Variants in RAB20 observed in about 807,000 individuals in gnomAD.
The protein encoded by RAB20 is ras-related protein Rab-20.
In RAB20, 2 loss-of-function variants were observed where a neutral mutation model predicts 3.7. The ratio of observed to expected loss-of-function variants is 0.54; its 90% confidence interval spans 0.22 to 1.69. The LOEUF is 1.69. Ranked by LOEUF, RAB20 falls within the 40% of genes most tolerant of loss-of-function variation. The probability of loss-of-function intolerance (pLI) is 0.19; values close to 1 mark genes in which losing one functional copy is unlikely to be tolerated. For missense variants in RAB20, 276 were observed against 311.9 expected, an observed-to-expected ratio of 0.88 and a Z score of 0.87; for synonymous variants, 126 against 130.8, an observed-to-expected ratio of 0.96 and a Z score of 0.25.
intron 1 of RAB20, among the ~76,000 whole-genome samples, chr13:110,549,998 A>T (rs1884924840): frequency 6.6e-6 from 1 of 152,204 alleles, no homozygotes; most frequent in African/African-American, 2.4e-5. Flanking sequence ...TGCTGGGATG[A>T]CAGGCCTGAG....
intron 1 of RAB20, 110 bp from the exon 2 acceptor site, chr13:110,524,307 C>T (rs1351843104): frequency 2.8e-6 from 4 of 1,410,506 alleles, no homozygotes; most frequent in South Asian, 1.5e-5. Context: ...TAGGGCAACA[C>T]ACACAGGATG....
chr13:110,550,216 G>T, intron 1 of RAB20, among the ~76,000 whole-genome samples: 1 of 151,992 alleles, frequency 6.6e-6, no homozygotes, highest in East Asian at 1.9e-4. Flanking sequence ...CAACTCCATG[G>T]ACCCCAACTC....
At chr13:110,559,393 G>A (rs1885095601) in intron 1 of RAB20, among the ~76,000 whole-genome samples, 2 of 152,184 alleles carry the variant, frequency 1.3e-5, no homozygotes, top group African/African-American at 4.8e-5. Context: ...AAAGAACAGG[G>A]TCCCCTAAAT....
chr13:110,538,238 C>CAAAAAAAA (rs570075617), intron 1 of RAB20, among the ~76,000 whole-genome samples: 7 of 78,468 alleles, frequency 8.9e-5, no homozygotes, highest in Admixed American at 1.4e-4. Flanking sequence ...GACCTTGTCT[C>CAAAAAAAA]AAAAAAAAAA....
chr13:110,540,407 C>A (rs1884736517), intron 1 of RAB20, among the ~76,000 whole-genome samples: 1 of 152,232 alleles, frequency 6.6e-6, no homozygotes, highest in South Asian at 2.1e-4. Flanking sequence ...GTTTCAAAGT[C>A]AAGACTGAAT....
chr13:110,530,802 C>G (rs1259219277), intron 1 of RAB20, among the ~76,000 whole-genome samples: 2 of 152,096 alleles, frequency 1.3e-5, no homozygotes. Flanking sequence ...CACCCCACCT[C>G]TACACAGACA....
intron 1 of RAB20, among the ~76,000 whole-genome samples, chr13:110,540,737 C>A (rs1016650430): frequency 1.4e-5 from 1 of 73,286 alleles, no homozygotes; most frequent in African/African-American, 5.0e-5. Flanking sequence ...AGTGAAACTC[C>A]GTCTCAAAAA....
intron 1 of RAB20, among the ~76,000 whole-genome samples, chr13:110,548,389 C>T (rs1426090030): frequency 6.6e-6 from 1 of 151,948 alleles, no homozygotes; most frequent in African/African-American, 2.4e-5. Context: ...GAGGCTGAGG[C>T]AGGAGAATTG....
At chr13:110,552,023 G>A (rs1406259071) in intron 1 of RAB20, among the ~76,000 whole-genome samples, 1 of 151,964 alleles carries the variant, frequency 6.6e-6, no homozygotes, top group Admixed American at 6.6e-5. Context: ...GCTGCAGTGA[G>A]CCAAGATCAC....
chr13:110,555,201 G>A lies in RAB20; in HGVS notation c.172+6147C>T, dbSNP rs1276764356. ...AGTGTTGGAAGCACGAGTTTCGGAGGCAGCCCGTCCTGTTACACACAGGCC... is the reference window on the plus strand; with the variant it reads ...AGTGTTGGAAGCACGAGTTTCGGAGACAGCCCGTCCTGTTACACACAGGCC... On this transcript the variant is annotated intron_variant, in intron 1 of 1. Coordinates refer to ENST00000267328, the MANE Select transcript of RAB20 (RefSeq NM_017817.3). The surrounding 1 kb of genome is among the most constrained non-coding windows in gnomAD (Gnocchi z 4.0). Among the ~76,000 whole-genome samples the A allele has an allele frequency of 6.6e-6, 1 of 152,158 alleles. No homozygotes were observed. Among genetic ancestry groups the A allele is most frequent in the East Asian group, 1.9e-4 (1 of 5,196 alleles).
chr13:110,538,589 T>C (rs1246296110), intron 1 of RAB20, among the ~76,000 whole-genome samples: 1 of 113,710 alleles, frequency 8.8e-6, no homozygotes, highest in African/African-American at 3.5e-5. Flanking sequence ...CTGGGTGAGA[T>C]CTTCTCTCAA....
chr13:110,526,322 C>A (rs1884430752), intron 1 of RAB20, among the ~76,000 whole-genome samples: 1 of 152,232 alleles, frequency 6.6e-6, no homozygotes, highest in African/African-American at 2.4e-5. Flanking sequence ...CATTCCAATC[C>A]CTCGCCTGGG....
rs1457171276 is a variant in RAB20 at position 110,523,659 on chromosome 13, C to T, written c.*6G>A. The T allele has an allele frequency of 8.7e-6, 14 of 1,610,790 alleles. No individual in the cohort carries two copies. The South Asian group carries it at 9.9e-5, about 11-fold the overall frequency. On this transcript the variant is annotated 3_prime_UTR_variant, in exon 2 of 2. Coordinates refer to ENST00000267328, the MANE Select transcript of RAB20 (RefSeq NM_017817.3). ...GCACAGTCTGAGTCCAGGAGGCCCTCGAAAGTCAGGCACAACACCCAGATC... is the reference window on the plus strand; with the variant it reads ...GCACAGTCTGAGTCCAGGAGGCCCTTGAAAGTCAGGCACAACACCCAGATC...
intron 1 of RAB20, among the ~76,000 whole-genome samples, chr13:110,558,694 G>GTTTTT (rs67548367): frequency 5.9e-5 from 3 of 50,890 alleles, no homozygotes; most frequent in Non-Finnish European, 1.1e-4. Context: ...CTTCCCATCT[G>GTTTTT]TTTTTTTTTT....
At chr13:110,531,353 AC>A (rs1428645934) in intron 1 of RAB20, among the ~76,000 whole-genome samples, 1 of 152,204 alleles carries the variant, frequency 6.6e-6, no homozygotes, top group Non-Finnish European at 1.5e-5. Context: ...GAATGCAGCC[AC>A]CTTCCCAGGA....
rs567000692 is a variant in RAB20, at chr13:110,539,432, C to A, written c.173-15235G>T. Reference sequence around the variant, plus strand: ...TCCTTTTTGAAAAAAAGAGTCCAAACCTAAAACTATTTCCAGTTAACGGAA... The same window carrying A: ...TCCTTTTTGAAAAAAAGAGTCCAAAACTAAAACTATTTCCAGTTAACGGAA... On this transcript the variant is annotated intron_variant, in intron 1 of 1. Transcript: ENST00000267328. Among the ~76,000 whole-genome samples, 15 of 152,206 alleles carry A rather than the reference C, an allele frequency of 9.9e-5. No homozygotes were observed. The South Asian group carries it at 2.9e-3, about 29-fold the overall frequency.
intron 1 of RAB20, among the ~76,000 whole-genome samples, chr13:110,553,344 T>G (rs950643160): frequency 6.6e-6 from 1 of 152,186 alleles, no homozygotes; most frequent in African/African-American, 2.4e-5. Flanking sequence ...GCTTGTTGAG[T>G]TGAACTGAAT....
intron 1 of RAB20, among the ~76,000 whole-genome samples, chr13:110,554,471 C>T (rs890344471): frequency 2.0e-5 from 3 of 152,304 alleles, no homozygotes; most frequent in South Asian, 2.1e-4. Context: ...CCCTCTCATT[C>T]GGCACCTTCA....
intron 1 of RAB20, among the ~76,000 whole-genome samples, chr13:110,527,947 A>ACACACACACACT (rs1441340409): frequency 1.2e-4 from 17 of 146,222 alleles, no homozygotes; most frequent in South Asian, 4.3e-4. Flanking sequence ...ACACACATAC[A>ACACACACACACT]CTTTAATTAG....
Sources: gnomAD v4.1 joint callset for allele counts (sites outside exome capture counted in the v4.1 genomes callset) on GRCh38, gnomAD v4.1.1 for gene constraint, Gnocchi (gnomAD v3.1) non-coding constraint, MANE v1.5 for transcripts, NCBI Gene and HGNC (gene_info 2026-07-23, HGNC 2026-07-21) for gene names.